Variants in PABIR2 observed in about 807,000 individuals in gnomAD.
PABIR2 encodes family with sequence similarity 122B.
Under a neutral mutation model 22.8 loss-of-function variants are expected in PABIR2, and 7 were observed. The observed-to-expected ratio is 0.31, with a 90% CI of 0.17 to 0.58. The LOEUF (loss-of-function observed/expected upper bound fraction) is 0.58, where lower values mean the gene tolerates loss of function less well. Ranked by LOEUF, PABIR2 falls within the 20% of genes least tolerant of loss-of-function variation. PABIR2 has a pLI of 0.89. For synonymous variants in PABIR2, 67 were observed against 73.8 expected (o/e 0.91, Z 0.47); for missense variants, 155 against 205.1 (o/e 0.76, Z 1.49).
chrX:134,787,363 G>A, intron 7 of PABIR2, 109 bp downstream of exon 7: 1 of 758,221 alleles, frequency 1.3e-6, no homozygotes, highest in East Asian at 3.3e-5. Context: ...GCCTTCCAAA[G>A]TGCTAGGATT....
intron 7 of PABIR2, among the ~76,000 whole-genome samples, chrX:134,787,144 G>A (rs1473759920): frequency 9.6e-6 from 1 of 103,752 alleles, no homozygotes; most frequent in Non-Finnish European, 2.0e-5. Flanking sequence ...CTGTTGCCCA[G>A]GCTGGAGTAT....
intron 9 of PABIR2, among the ~76,000 whole-genome samples, chrX:134,780,259 T>G (rs1163953085): frequency 8.9e-6 from 1 of 112,580 alleles, no homozygotes; most frequent in Non-Finnish European, 1.9e-5. Flanking sequence ...ATTTTTAAAG[T>G]GAGTGCCCTC....
intron 1 of PABIR2, among the ~76,000 whole-genome samples, chrX:134,795,227 C>G (rs1047409419): frequency 1.8e-5 from 2 of 111,861 alleles, no homozygotes; most frequent in African/African-American, 6.5e-5. Flanking sequence ...AGTTCAACAG[C>G]AAGGATTATC....
chrX:134,784,692 G>A (rs113856476), intron 8 of PABIR2, among the ~76,000 whole-genome samples: 3,352 of 110,229 alleles, frequency 0.03, 137 homozygotes, highest in African/African-American at 0.1. Flanking sequence ...TGCCTAGGCT[G>A]GTCTCAAACT....
In PABIR2 at chrX:134,772,007, G is replaced by C; in HGVS notation, c.*132C>G. On this transcript the variant is annotated 3_prime_UTR_variant, in exon 10 of 10. Transcript: ENST00000343004. ...CTTTGGAGAAGAGAGATGCCAAAGA[G>C]TAATAATAGCATCAGAATGTGTGAA... 1 of 1,029,734 alleles carries C rather than the reference G, an allele frequency of 9.7e-7. No homozygotes were observed. The allele number at this position is 1,029,734 out of a possible 1,213,427, so 84.9% of individuals were successfully genotyped here.
rs1473805228 is a variant in PABIR2 at position 134,772,198 on chromosome X, C to T, written c.745G>A (p.Val249Ile). The T allele has an allele frequency of 1.7e-6, 2 of 1,208,078 alleles. No homozygotes were observed. Among genetic ancestry groups the T allele is most frequent in the African/African-American group, 3.5e-5 (2 of 57,769 alleles). ...AKGSATAESP[V>I]ACSNSCSSFI... ...GAAGAGCATGAATTGGAGCATGCTA[C>T]TGGAGACTCTGCGGTAGCGCTGCCT... Residue 249 changes from valine to isoleucine, a missense_variant, in exon 10 of 10, where the codon GTA becomes ATA. Coordinates refer to ENST00000343004, the MANE Select transcript of PABIR2 (RefSeq NM_001387468.1).
At chrX:134,776,151 GTTAA>G (rs1168083415) in intron 9 of PABIR2, among the ~76,000 whole-genome samples, 7 of 110,421 alleles carry the variant, frequency 6.3e-5, no homozygotes, top group East Asian at 2.8e-4. Context: ...ACACATTCCT[GTTAA>G]TTAATGATTA....
chrX:134,781,430 C>T (rs2147921878), intron 9 of PABIR2, among the ~76,000 whole-genome samples: 1 of 112,088 alleles, frequency 8.9e-6, no homozygotes, highest in Admixed American at 9.5e-5. Flanking sequence ...AATTTTAAAA[C>T]TTAAAAGAAG....
chrX:134,780,298 G>T (rs1471744544), intron 9 of PABIR2, among the ~76,000 whole-genome samples: 2 of 112,345 alleles, frequency 1.8e-5, no homozygotes, highest in Non-Finnish European at 3.8e-5. Context: ...TCTTCAGGCC[G>T]GGCACAGTGG....
At chrX:134,791,036 T>C (rs1315029893) in intron 2 of PABIR2, among the ~76,000 whole-genome samples, 1 of 111,451 alleles carries the variant, frequency 9.0e-6, no homozygotes, top group Non-Finnish European at 1.9e-5. Context: ...AAAGCTGACA[T>C]GAGGATGGCC....
intron 1 of PABIR2, chrX:134,794,132 G>C: frequency 2.0e-6 from 1 of 506,772 alleles, no homozygotes; most frequent in Non-Finnish European, 2.4e-6. Context: ...GCAGCTGGGA[G>C]AGGTGATGCA....
Position 134,796,216 on chromosome X carries a change from C to G in PABIR2, c.-11G>C. 2 of 1,191,551 alleles carry G rather than the reference C, an allele frequency of 1.7e-6. No homozygotes were observed. The highest frequency in any genetic ancestry group is 2.3e-6 in the Non-Finnish European group (2 of 879,205). On this transcript the variant is annotated 5_prime_UTR_variant, in exon 1 of 10. Coordinates refer to ENST00000343004, the MANE Select transcript of PABIR2 (RefSeq NM_001387468.1). ...TTTCTCCTGAGCCATGTCAGACTTG[C>G]AGGCAGGCACAGCGGGCAGTGCTCA...
At position 134,772,038 on chromosome X, in the gene PABIR2, TA is replaced by T. The variant is rs1227385704; in HGVS notation, c.*100del. The T allele has an allele frequency of 1.5e-5, 16 of 1,065,613 alleles. No homozygotes were observed. Among genetic ancestry groups the T allele is most frequent in the Non-Finnish European group, 1.8e-5 (15 of 820,114 alleles). 87.8% of individuals were successfully genotyped at this position (1,065,613 alleles called of 1,213,427 possible). On this transcript the variant is annotated 3_prime_UTR_variant, in exon 10 of 10. Transcript: ENST00000343004. ...ATAGCATCAGAATGTGTGAAATCTGTAAAACTTTAATCCTCATTATGGATCA... is the reference window on the plus strand; with the variant it reads ...ATAGCATCAGAATGTGTGAAATCTGTAAACTTTAATCCTCATTATGGATCA...
chrX:134,791,572 T>C, intron 2 of PABIR2: 1 of 321,104 alleles, frequency 3.1e-6, no homozygotes, highest in Non-Finnish European at 6.0e-6. Flanking sequence ...AGGGAAAAGA[T>C]ACAAGATAGA....
chrX:134,793,921 A>AC, intron 1 of PABIR2, 28 bp from the exon 2 acceptor site: 1 of 1,193,560 alleles, frequency 8.4e-7, no homozygotes, highest in Non-Finnish European at 1.1e-6. Flanking sequence ...AAACAAACAA[A>AC]AAAAACAAAA....
chrX:134,787,816 G>A (rs779670687), intron 6 of PABIR2, among the ~76,000 whole-genome samples: 2 of 102,385 alleles, frequency 2.0e-5, no homozygotes, highest in African/African-American at 3.6e-5. Flanking sequence ...TTTTAATGTA[G>A]AGATGGGGTC....
chrX:134,780,456 G>A (rs1230010622), intron 9 of PABIR2, among the ~76,000 whole-genome samples: 2 of 111,732 alleles, frequency 1.8e-5, no homozygotes, highest in African/African-American at 6.5e-5. Context: ...GCCCATGCCT[G>A]TAGTCCCAGC....
chrX:134,783,592 G>A (rs1366593818), intron 8 of PABIR2, among the ~76,000 whole-genome samples: 1 of 111,347 alleles, frequency 9.0e-6, no homozygotes, highest in African/African-American at 3.3e-5. Flanking sequence ...GGGCGTGGTG[G>A]TGTGCACCTG....
rs921875793 is a variant in PABIR2 at position 134,790,771 on chromosome X, A to C, written c.178-1135T>G. Among the ~76,000 whole-genome samples the C allele has an allele frequency of 8.0e-5, 9 of 112,294 alleles. No homozygotes were observed. In the South Asian group the frequency reaches 3.3e-3, roughly 41 times the overall value. ...TGTATTTTAGTAGAGACGGGGTTTCATCATGTTGGCTAGGATGATCTCGAT... is the reference window on the plus strand; with the variant it reads ...TGTATTTTAGTAGAGACGGGGTTTCCTCATGTTGGCTAGGATGATCTCGAT... On this transcript the variant is annotated intron_variant, in intron 2 of 9. Coordinates refer to ENST00000343004, the MANE Select transcript of PABIR2 (RefSeq NM_001387468.1).
Sources: allele counts gnomAD v4.1 joint callset (sites outside exome capture counted in the v4.1 genomes callset), GRCh38; gene constraint gnomAD v4.1.1; transcripts MANE v1.5; gene names NCBI Gene and HGNC (gene_info 2026-07-23, HGNC 2026-07-21).